The following GMDS variants were observed in gnomAD, a reference collection of about 807,000 sequenced individuals.
The protein encoded by GMDS is GDP-mannose 4,6 dehydratase.
GMDS carries 20 observed loss-of-function variants against 49.9 expected under a neutral mutation model. The observed-to-expected ratio is 0.40, with a 90% CI of 0.28 to 0.58. The LOEUF (loss-of-function observed/expected upper bound fraction) is 0.58, where lower values mean the gene tolerates loss of function less well. Ranked by LOEUF, GMDS falls within the 20% of genes least tolerant of loss-of-function variation. GMDS has a pLI of 0.42. For missense variants in GMDS, 362 were observed against 481.4 expected (o/e 0.75, Z 2.32); for synonymous variants, 177 against 178.6 (o/e 0.99, Z 0.07).
chr6:2,209,440 G>A lies in GMDS; in HGVS notation c.102+35881C>T, dbSNP rs372063450. Among the ~76,000 whole-genome samples the A allele has an allele frequency of 7.9e-5, 12 of 152,260 alleles. No homozygotes were observed. In the South Asian group the frequency reaches 2.1e-3, roughly 26 times the overall value. On this transcript the variant is annotated intron_variant, in intron 1 of 10. Transcript: ENST00000380815. ...TTCCCCCTGCAGGGGGAGTAGTCCC[G>A]CACAATAGGCAGGTGTTAGCCAAGA...
At position 2,183,559 on chromosome 6, in the gene GMDS, G is replaced by A. The variant is rs555560967; in HGVS notation, c.103-58828C>T. Among the ~76,000 whole-genome samples the A allele has an allele frequency of 2.0e-5, 3 of 152,336 alleles. No homozygotes were observed. The East Asian group carries it at 5.8e-4, about 29-fold the overall frequency. On this transcript the variant is annotated intron_variant, in intron 1 of 10. Transcript: ENST00000380815. ...AGATGCTATGAACATTGTTGAAATA[G>A]CAACAAAGAGTATTACATAAACTTA...
At chr6:2,067,349 A>G (rs1771672255) in intron 4 of GMDS, among the ~76,000 whole-genome samples, 1 of 149,956 alleles carries the variant, frequency 6.7e-6, no homozygotes, top group African/African-American at 2.4e-5. Context: ...ATCACAATTA[A>G]AAGAACTAGA....
At chr6:2,130,809 A>ACCCC (rs1489138314) in intron 1 of GMDS, among the ~76,000 whole-genome samples, 1 of 138,904 alleles carries the variant, frequency 7.2e-6, no homozygotes, top group Non-Finnish European at 1.7e-5. Context: ...ATGCCCTAAA[A>ACCCC]GATTAATTTA....
intron 4 of GMDS, among the ~76,000 whole-genome samples, chr6:2,109,886 G>A (rs1774448254): frequency 6.6e-6 from 1 of 152,182 alleles, no homozygotes; most frequent in Non-Finnish European, 1.5e-5. Context: ...ATTTCAGGAT[G>A]TTCTAACAGC....
intron 4 of GMDS, among the ~76,000 whole-genome samples, chr6:1,991,853 C>T (rs747499508): frequency 2.4e-4 from 36 of 152,200 alleles, no homozygotes; most frequent in Non-Finnish European, 4.3e-4. Context: ...CACAGTCCAC[C>T]GTGACTGGTG....
At chr6:1,853,930 G>C (rs1489763350) in intron 7 of GMDS, among the ~76,000 whole-genome samples, 2 of 152,024 alleles carry the variant, frequency 1.3e-5, no homozygotes, top group African/African-American at 4.8e-5. Context: ...TCCCCTCCAT[G>C]GTCCTTTAGC....
intron 1 of GMDS, among the ~76,000 whole-genome samples, chr6:2,136,701 C>A (rs892580313): frequency 6.6e-6 from 1 of 152,118 alleles, no homozygotes; most frequent in East Asian, 1.9e-4. Context: ...ACCTGGGTGA[C>A]AGAATGAGAC....
At chr6:1,967,792 ATAAAGT>A (rs1764353745) in intron 4 of GMDS, among the ~76,000 whole-genome samples, 1 of 152,250 alleles carries the variant, frequency 6.6e-6, no homozygotes, top group Non-Finnish European at 1.5e-5. Flanking sequence ...AAGTTCAAAC[ATAAAGT>A]TAATTTATCA....
At chr6:2,095,759 A>C (rs981770759) in intron 4 of GMDS, among the ~76,000 whole-genome samples, 1 of 152,214 alleles carries the variant, frequency 6.6e-6, no homozygotes, top group African/African-American at 2.4e-5. Context: ...ATTTGAACAT[A>C]AACTCAATCT....
In GMDS at chr6:1,741,581, C is replaced by T. The variant is rs147101800; in HGVS notation, c.890+887G>A. 3.2e-3 allele frequency among the ~76,000 whole-genome samples: 490 copies of T among 151,956 alleles called. 10 individuals carry two copies. The East Asian group carries it at 0.056, about 17-fold the overall frequency. ...ATCCCAGCACTTTGGGAGGCCAAGG[C>T]GGGTGGATCACCTGAGGTCAGGAGT... On this transcript the variant is annotated intron_variant, in intron 8 of 10. Transcript: ENST00000380815.
chr6:1,956,202 A>G (rs1763628899), intron 6 of GMDS, among the ~76,000 whole-genome samples: 1 of 152,254 alleles, frequency 6.6e-6, no homozygotes, highest in African/African-American at 2.4e-5. Flanking sequence ...AGCTGGGGCC[A>G]GCAAATGTTT....
chr6:2,046,388 C>T (rs1274818413), intron 4 of GMDS, among the ~76,000 whole-genome samples: 2 of 152,116 alleles, frequency 1.3e-5, no homozygotes, highest in Non-Finnish European at 2.9e-5. Context: ...ATTAATCAAA[C>T]CTAAAAAGTA....
intron 9 of GMDS, among the ~76,000 whole-genome samples, chr6:1,636,986 G>T (rs984226395): frequency 6.6e-6 from 1 of 152,242 alleles, no homozygotes; most frequent in Non-Finnish European, 1.5e-5. Flanking sequence ...ATTCTGCCAG[G>T]CCTGCTGGTG....
intron 7 of GMDS, among the ~76,000 whole-genome samples, chr6:1,891,554 T>C (rs1759868496): frequency 6.6e-6 from 1 of 152,254 alleles, no homozygotes; most frequent in Non-Finnish European, 1.5e-5. Context: ...TATTAAGTAC[T>C]TGATCTCCTA....
At chr6:2,211,824 A>T (rs965521955) in intron 1 of GMDS, among the ~76,000 whole-genome samples, 3 of 152,240 alleles carry the variant, frequency 2.0e-5, no homozygotes, top group Non-Finnish European at 4.4e-5. Context: ...AAACAATGTT[A>T]CCAAGTTTAC....
At chr6:2,036,811 T>C (rs1769334208) in intron 4 of GMDS, among the ~76,000 whole-genome samples, 2 of 152,194 alleles carry the variant, frequency 1.3e-5, no homozygotes, top group Admixed American at 1.3e-4. Flanking sequence ...GGCATGCTGA[T>C]ATGTACTGTG....
intron 1 of GMDS, among the ~76,000 whole-genome samples, chr6:2,218,530 T>C (rs1416680168): frequency 6.6e-6 from 1 of 152,242 alleles, no homozygotes; most frequent in African/African-American, 2.4e-5. Context: ...CAGAAAGTAG[T>C]GATTCACTTT....
intron 7 of GMDS, among the ~76,000 whole-genome samples, chr6:1,756,685 G>A (rs1255155191): frequency 3.9e-5 from 6 of 152,218 alleles, no homozygotes; most frequent in African/African-American, 7.2e-5. Flanking sequence ...CTGGGGCAGT[G>A]GGGCCAAGAT....
At chr6:1,945,050 A>G (rs532834736) in intron 6 of GMDS, among the ~76,000 whole-genome samples, 13 of 152,344 alleles carry the variant, frequency 8.5e-5, no homozygotes, top group African/African-American at 2.9e-4. Flanking sequence ...CAGTTTTTCA[A>G]GAAGGGTCAG....
Sources: allele counts gnomAD v4.1 joint callset (sites outside exome capture counted in the v4.1 genomes callset), GRCh38; gene constraint gnomAD v4.1.1; transcripts MANE v1.5; gene names NCBI Gene and HGNC (gene_info 2026-07-23, HGNC 2026-07-21).